Variants in SLC24A2 observed in about 807,000 individuals in gnomAD.
SLC24A2 encodes the protein solute carrier family 24 member 2, also known as sodium/potassium/calcium exchanger 2.
SLC24A2 carries 36 observed loss-of-function variants against 62.0 expected under a neutral mutation model. The observed-to-expected ratio is 0.58, with a 90% CI of 0.44 to 0.77. The LOEUF (loss-of-function observed/expected upper bound fraction) is 0.77. Ranked by LOEUF, SLC24A2 falls within the 30% of genes least tolerant of loss-of-function variation. The pLI is 0.00. For synonymous variants in SLC24A2, 358 were observed against 294.0 expected, an observed-to-expected ratio of 1.22 and a Z score of -2.23; for missense variants, 846 against 817.9, an observed-to-expected ratio of 1.03 and a Z score of -0.42.
the SLC24A2 span, among the ~76,000 whole-genome samples, chr9:20,176,513 C>T: frequency 1.5e-4 from 23 of 152,138 alleles, no homozygotes; most frequent in Admixed American, 1.4e-3. Flanking sequence ...AAAATAACTT[C>T]CTATAATCTT....
chr9:20,114,403 G>T, the SLC24A2 span, among the ~76,000 whole-genome samples: 4 of 152,124 alleles, frequency 2.6e-5, no homozygotes, highest in East Asian at 1.9e-4. Context: ...CTATGCTAAA[G>T]GCTGCTGCGG....
the SLC24A2 span, among the ~76,000 whole-genome samples, chr9:20,041,409 A>G: frequency 6.6e-6 from 1 of 152,244 alleles, no homozygotes; most frequent in East Asian, 1.9e-4. Context: ...CTGCTGTGGC[A>G]ATCAGCTTTT....
the SLC24A2 span, among the ~76,000 whole-genome samples, chr9:19,851,081 T>C: frequency 7.2e-6 from 1 of 138,810 alleles, no homozygotes; most frequent in East Asian, 2.1e-4. Flanking sequence ...TGGAGTGCAA[T>C]GGCGTGATCT....
At chr9:19,732,789 T>G (rs1368503556) in intron 2 of SLC24A2, among the ~76,000 whole-genome samples, 1 of 152,134 alleles carries the variant, frequency 6.6e-6, no homozygotes, top group Non-Finnish European at 1.5e-5. Context: ...CACTTTTGAT[T>G]GCAGGGCCAG....
the SLC24A2 span, among the ~76,000 whole-genome samples, chr9:20,178,714 C>A: frequency 1.3e-5 from 2 of 152,160 alleles, no homozygotes. Context: ...CCTGCCTCTA[C>A]ATTTTTAGTA....
chr9:19,833,877 A>G, the SLC24A2 span, among the ~76,000 whole-genome samples: 1 of 152,162 alleles, frequency 6.6e-6, no homozygotes, highest in Non-Finnish European at 1.5e-5. Context: ...CTGAGACAAA[A>G]CTTCCAGAGG....
At chr9:20,179,080 C>G in the SLC24A2 span, among the ~76,000 whole-genome samples, 17,511 of 152,146 alleles carry the variant, frequency 0.12, 1,596 homozygotes, top group East Asian at 0.45. Flanking sequence ...GTGACCCCCT[C>G]TATCCCCTCA....
At chr9:19,575,589 A>C (rs1299608065) in intron 6 of SLC24A2, among the ~76,000 whole-genome samples, 1 of 152,256 alleles carries the variant, frequency 6.6e-6, no homozygotes, top group East Asian at 1.9e-4. Flanking sequence ...TTAGCTAGTT[A>C]CAAAGTCATT....
chr9:20,306,886 C>T, the SLC24A2 span, among the ~76,000 whole-genome samples: 6 of 151,940 alleles, frequency 3.9e-5, no homozygotes, highest in African/African-American at 9.6e-5. Context: ...TTAGTAGAGA[C>T]GGGGTTTCAC....
intron 2 of SLC24A2, among the ~76,000 whole-genome samples, chr9:19,650,872 A>G (rs1818782641): frequency 6.8e-6 from 1 of 146,938 alleles, no homozygotes; most frequent in Non-Finnish European, 1.5e-5. Context: ...TGCCAGCATC[A>G]AATAGCTGTC....
intron 2 of SLC24A2, among the ~76,000 whole-genome samples, chr9:19,656,247 C>G (rs1818938408): frequency 6.6e-6 from 1 of 152,084 alleles, no homozygotes; most frequent in African/African-American, 2.4e-5. Context: ...AAGGCTACAA[C>G]CAATATAAAA....
chr9:19,911,352 A>G, the SLC24A2 span, among the ~76,000 whole-genome samples: 1 of 152,088 alleles, frequency 6.6e-6, no homozygotes, highest in Non-Finnish European at 1.5e-5. Flanking sequence ...AGTCTTTGCT[A>G]TAGTGAATAG....
the SLC24A2 span, among the ~76,000 whole-genome samples, chr9:20,222,260 C>T: frequency 6.6e-6 from 1 of 150,742 alleles, no homozygotes; most frequent in Non-Finnish European, 1.5e-5. Flanking sequence ...TATTGGTGTA[C>T]CAGAAGAAAG....
chr9:19,589,133 A>C (rs1836470360), intron 5 of SLC24A2, among the ~76,000 whole-genome samples: 3 of 152,220 alleles, frequency 2.0e-5, no homozygotes, highest in African/African-American at 7.2e-5. Flanking sequence ...TATGTCTTCT[A>C]CTCAGTAGAA....
chr9:19,995,451 T>C, the SLC24A2 span, among the ~76,000 whole-genome samples: 69 of 152,252 alleles, frequency 4.5e-4, 1 homozygote, highest in South Asian at 3.1e-3. Flanking sequence ...ACTCATCCTA[T>C]GAGCCACAGG....
intron 7 of SLC24A2, 116 bp from the exon 8 acceptor site, chr9:19,550,384 G>C: frequency 1.0e-6 from 1 of 1,000,040 alleles, no homozygotes; most frequent in Non-Finnish European, 1.5e-6. Flanking sequence ...TTCTGGACTC[G>C]TTCCAGTAGC....
At chr9:19,846,976 C>T in the SLC24A2 span, among the ~76,000 whole-genome samples, 8 of 152,026 alleles carry the variant, frequency 5.3e-5, no homozygotes, top group African/African-American at 1.2e-4. Context: ...AAGCTGTGAT[C>T]GTGCCATTGC....
chr9:20,297,311 T>C, the SLC24A2 span, among the ~76,000 whole-genome samples: 1 of 152,082 alleles, frequency 6.6e-6, no homozygotes, highest in Non-Finnish European at 1.5e-5. Flanking sequence ...CATCATCCAT[T>C]TTACACATTA....
At chr9:20,056,658 C>T in the SLC24A2 span, among the ~76,000 whole-genome samples, 1 of 152,200 alleles carries the variant, frequency 6.6e-6, no homozygotes, top group Non-Finnish European at 1.5e-5. Context: ...TTACCTTTCA[C>T]TATTGCATCT....
Sources: gnomAD v4.1 joint callset for allele counts (sites outside exome capture counted in the v4.1 genomes callset) on GRCh38, gnomAD v4.1.1 for gene constraint, MANE v1.5 for transcripts, NCBI Gene and HGNC (gene_info 2026-07-23, HGNC 2026-07-21) for gene names.